The following USP6NL variants were observed in gnomAD, a reference collection of about 807,000 sequenced individuals.
USP6NL encodes the protein USP6 N-terminal like, also known as USP6 N-terminal-like protein.
A neutral mutation model predicts 61.9 loss-of-function variants in USP6NL; 26 were observed. That is an observed-to-expected ratio of 0.42 (90% CI 0.31 to 0.58). The LOEUF (loss-of-function observed/expected upper bound fraction) is 0.58, where lower values mean the gene tolerates loss of function less well. USP6NL is among the 20% of genes least tolerant of loss of function. The pLI, the probability that USP6NL is intolerant of heterozygous loss-of-function variation, is 0.16. For synonymous variants in USP6NL, 432 were observed against 390.1 expected, an observed-to-expected ratio of 1.11 and a Z score of -1.27; for missense variants, 1,114 against 1,034.3, an observed-to-expected ratio of 1.08 and a Z score of -1.06.
At chr10:11,542,607 T>C (rs1836111349) in intron 2 of USP6NL, among the ~76,000 whole-genome samples, 1 of 152,088 alleles carries the variant, frequency 6.6e-6, no homozygotes, top group South Asian at 2.1e-4. Context: ...TAGTGCCAGC[T>C]AGTCAGGAGG....
Position 11,611,109 on chromosome 10 carries a change from G to C in USP6NL, c.-84+334C>G, listed in dbSNP as rs1407015469. On this transcript the variant is annotated intron_variant, in intron 1 of 14. Coordinates refer to ENST00000609104, the MANE Select transcript of USP6NL (RefSeq NM_014688.5). The surrounding 1 kb of genome is among the most constrained non-coding windows in gnomAD (Gnocchi z 5.3). ...GGGAGACGCGACCGAAACTTGCGAG[G>C]GAGACGCGCCTGGCCGGGATCGCGG... Among the ~76,000 whole-genome samples the C allele has an allele frequency of 6.6e-6, 1 of 152,124 alleles. No individual in the cohort carries two copies. Among genetic ancestry groups the C allele is most frequent in the Non-Finnish European group, 1.5e-5 (1 of 67,994 alleles).
chr10:11,492,757 A>T (rs987819420), intron 8 of USP6NL, among the ~76,000 whole-genome samples: 2 of 152,128 alleles, frequency 1.3e-5, no homozygotes, highest in African/African-American at 4.8e-5. Context: ...TCCCTTTTTT[A>T]AAAAAAGTTT....
Position 11,525,513 on chromosome 10 carries a change from C to G in USP6NL, c.73-45G>C. ...AAGGTGTTAATCAGAGTTTATAAAA[C>G]TGAATAATTTTTTAAAATAAAAGGA... is the stretch of plus-strand genomic sequence containing the variant. On this transcript the variant is annotated intron_variant, in intron 3 of 14. Transcript: ENST00000609104. This position sits in a 1 kb window ranked among gnomAD's most constrained non-coding sequence, Gnocchi z 5.0. 2 of 1,464,752 alleles carry G rather than the reference C, an allele frequency of 1.4e-6. No individual in the cohort carries two copies. The highest frequency in any genetic ancestry group is 1.8e-6 in the Non-Finnish European group (2 of 1,094,014). 90.7% of individuals were successfully genotyped at this position (1,464,752 alleles called of 1,614,324 possible). A position where few individuals can be genotyped will look rare whatever the true frequency, so the allele number is the denominator to read the frequency against.
At chr10:11,483,816 T>C (rs1265136828) in intron 13 of USP6NL, among the ~76,000 whole-genome samples, 2 of 151,910 alleles carry the variant, frequency 1.3e-5, no homozygotes, top group Non-Finnish European at 2.9e-5. Context: ...GGTGCATTAG[T>C]TGGGGAAAGA....
intron 2 of USP6NL, among the ~76,000 whole-genome samples, chr10:11,533,734 C>G (rs572203215): frequency 6.6e-6 from 1 of 152,310 alleles, no homozygotes; most frequent in Admixed American, 6.5e-5. Flanking sequence ...AATGATACAT[C>G]TGTGTTGTTT....
At position 11,485,491 on chromosome 10, in the gene USP6NL, G is replaced by A. The variant is rs1026371158; in HGVS notation, c.760-257C>T. Among the ~76,000 whole-genome samples the A allele has an allele frequency of 1.3e-5, 2 of 152,010 alleles. No individual in the cohort carries two copies. The highest frequency in any genetic ancestry group is 3.8e-4 in the East Asian group (2 of 5,196). The stretch of plus-strand genomic sequence containing the variant: ...GGCATATATATAGTTCACTAACAAC[G>A]AGTTTCTGTGACCCTGAAAAAATAT... On this transcript the variant is annotated intron_variant, in intron 11 of 14. Coordinates refer to ENST00000609104, the MANE Select transcript of USP6NL (RefSeq NM_014688.5). This position sits in a 1 kb window ranked among gnomAD's most constrained non-coding sequence, Gnocchi z 4.8.
At chr10:11,484,441 A>G (rs997452196) in intron 13 of USP6NL, among the ~76,000 whole-genome samples, 4 of 151,020 alleles carry the variant, frequency 2.6e-5, no homozygotes, top group Non-Finnish European at 5.9e-5. Context: ...GCCTATAGAC[A>G]CTGGCTGAAC....
In USP6NL at chr10:11,485,698, G is replaced by A. The variant is rs1443010794; in HGVS notation, c.759+119C>T. 1.5e-6 allele frequency: 1 copy of A among 671,838 alleles called. No individual in the cohort carries two copies. The highest frequency in any genetic ancestry group is 2.9e-5 in the East Asian group (1 of 33,952). 41.6% of individuals were successfully genotyped at this position (671,838 alleles called of 1,614,324 possible). On this transcript the variant is annotated intron_variant, in intron 11 of 14. Coordinates refer to ENST00000609104, the MANE Select transcript of USP6NL (RefSeq NM_014688.5). This position sits in a 1 kb window ranked among gnomAD's most constrained non-coding sequence, Gnocchi z 4.8. ...AACAACTGGGAATTATAACTGCATA[G>A]TAAATGAAATGGATGACACTATAAA...
intron 2 of USP6NL, among the ~76,000 whole-genome samples, chr10:11,580,066 T>C (rs561014538): frequency 6.7e-6 from 1 of 149,460 alleles, no homozygotes; most frequent in Non-Finnish European, 1.5e-5. Flanking sequence ...GTTAACATCC[T>C]ACAATTTACG....
rs1837475412 is a variant in USP6NL, at chr10:11,574,577, A to G, written c.4+23054T>C. 6.6e-6 allele frequency among the ~76,000 whole-genome samples: 1 copy of G among 152,222 alleles called. No homozygotes were observed. The highest frequency in any genetic ancestry group is 1.5e-5 in the Non-Finnish European group (1 of 68,040). On this transcript the variant is annotated intron_variant, in intron 2 of 14. Coordinates refer to ENST00000609104, the MANE Select transcript of USP6NL (RefSeq NM_014688.5). The surrounding 1 kb of genome is among the most constrained non-coding windows in gnomAD (Gnocchi z 4.3). ...AAAGTAAACCTACAGAGTTAACTAAAAGAGAAAAATGACACTCAGGTGAAC... is the reference window on the plus strand; with the variant it reads ...AAAGTAAACCTACAGAGTTAACTAAGAGAGAAAAATGACACTCAGGTGAAC...
At position 11,561,026 on chromosome 10, in the gene USP6NL, T is replaced by C. The variant is rs1390034256; in HGVS notation, c.5-33459A>G. On this transcript the variant is annotated intron_variant, in intron 2 of 14. Transcript: ENST00000609104. The surrounding 1 kb of genome is among the most constrained non-coding windows in gnomAD (Gnocchi z 4.1). ...GGGAAGAATTAAAAAGCAGTTAATC[T>C]ACATCTATTTCGAGCATACTCAAGC... Among the ~76,000 whole-genome samples, 5 of 152,120 alleles carry C rather than the reference T, an allele frequency of 3.3e-5. No individual in the cohort carries two copies. In the East Asian group the frequency reaches 9.6e-4, roughly 29 times the overall value.
chr10:11,555,451 T>TATAGAGAGAGAGAGAGAG (rs1427219382), intron 2 of USP6NL, among the ~76,000 whole-genome samples: 1 of 61,016 alleles, frequency 1.6e-5, no homozygotes, highest in East Asian at 9.7e-4. Flanking sequence ...TATATATATA[T>TATAGAGAGAGAGAGAGAG]AGAGAGAGAG....
In USP6NL at chr10:11,602,970, CA is replaced by C. The variant is rs1564245219; in HGVS notation, c.-83-5254del. 6.6e-6 allele frequency among the ~76,000 whole-genome samples: 1 copy of C among 152,214 alleles called. No homozygotes were observed. Among genetic ancestry groups the C allele is most frequent in the Non-Finnish European group, 1.5e-5 (1 of 68,038 alleles). ...ATGCTCTTGCTGCAACCCCGTGAAA[CA>C]TAACGTCACATTTCTACAGCTTTAA... On this transcript the variant is annotated intron_variant, in intron 1 of 14. Coordinates refer to ENST00000609104, the MANE Select transcript of USP6NL (RefSeq NM_014688.5). This position sits in a 1 kb window ranked among gnomAD's most constrained non-coding sequence, Gnocchi z 4.8.
intron 2 of USP6NL, among the ~76,000 whole-genome samples, chr10:11,586,585 C>T (rs544927715): frequency 6.2e-4 from 95 of 152,092 alleles, no homozygotes; most frequent in East Asian, 1.9e-4. Flanking sequence ...AGTATCTAAA[C>T]AATTCTAGAA....
intron 2 of USP6NL, among the ~76,000 whole-genome samples, chr10:11,541,229 C>CTA (rs1836040169): frequency 2.5e-5 from 1 of 39,432 alleles, no homozygotes; most frequent in Non-Finnish European, 5.0e-5. Flanking sequence ...ATCAATAGTG[C>CTA]CATATATATA....
At position 11,574,048 on chromosome 10, in the gene USP6NL, C is replaced by T. The variant is rs1191608016; in HGVS notation, c.4+23583G>A. ...AAACATTTTCTCACAAAAGCCATGA[C>T]AGAAAAAATAAAGTGCTCTGCTATA... On this transcript the variant is annotated intron_variant, in intron 2 of 14. Transcript: ENST00000609104. The surrounding 1 kb of genome is among the most constrained non-coding windows in gnomAD (Gnocchi z 4.3). Among the ~76,000 whole-genome samples, 4 of 152,146 alleles carry T rather than the reference C, an allele frequency of 2.6e-5. No individual in the cohort carries two copies. The highest frequency in any genetic ancestry group is 2.6e-4 in the Admixed American group (4 of 15,270).
At position 11,585,420 on chromosome 10, in the gene USP6NL, C is replaced by T. The variant is rs1837928189; in HGVS notation, c.4+12211G>A. ...ACCCATGGTTCACAGCAGCATAATT[C>T]GCAACAGCCAAAAGGTGGAAGCACG... is the stretch of plus-strand genomic sequence containing the variant. On this transcript the variant is annotated intron_variant, in intron 2 of 14. Coordinates refer to ENST00000609104, the MANE Select transcript of USP6NL (RefSeq NM_014688.5). This position sits in a 1 kb window ranked among gnomAD's most constrained non-coding sequence, Gnocchi z 4.5. 1.3e-5 allele frequency among the ~76,000 whole-genome samples: 2 copies of T among 152,128 alleles called. No individual in the cohort carries two copies. Among genetic ancestry groups the T allele is most frequent in the Admixed American group, 6.5e-5 (1 of 15,272 alleles).
At chr10:11,563,075 TC>T (rs1390604540) in intron 2 of USP6NL, 2 of 152,222 alleles carry the variant, frequency 1.3e-5, no homozygotes, top group East Asian at 3.9e-4. Flanking sequence ...TTAAACCAAC[TC>T]TGGTACATCC....
Position 11,596,751 on chromosome 10 carries a change from A to G in USP6NL, c.4+880T>C, listed in dbSNP as rs1359157159. On this transcript the variant is annotated intron_variant, in intron 2 of 14. Transcript: ENST00000609104. This position sits in a 1 kb window ranked among gnomAD's most constrained non-coding sequence, Gnocchi z 4.1. ...TCAAAAATCAAAGACCGTTCCTTAC[A>G]ATATTATTCTTAGTAGAAGCACTCC... is the stretch of plus-strand genomic sequence containing the variant. 6.6e-6 allele frequency among the ~76,000 whole-genome samples: 1 copy of G among 152,210 alleles called. No individual in the cohort carries two copies. The highest frequency in any genetic ancestry group is 1.5e-5 in the Non-Finnish European group (1 of 68,034).
Sources: gnomAD v4.1 joint callset for allele counts (sites outside exome capture counted in the v4.1 genomes callset) on GRCh38, gnomAD v4.1.1 for gene constraint, Gnocchi (gnomAD v3.1) non-coding constraint, MANE v1.5 for transcripts, NCBI Gene and HGNC (gene_info 2026-07-23, HGNC 2026-07-21) for gene names.